DIAPH1: variants seen among roughly 807,000 people sequenced by gnomAD.
DIAPH1 encodes diaphanous related formin 1.
Under a neutral mutation model 140.7 loss-of-function variants are expected in DIAPH1, and 46 were observed. That is an observed-to-expected ratio of 0.33 (90% confidence interval 0.26 to 0.42). The LOEUF (loss-of-function observed/expected upper bound fraction) is 0.42. DIAPH1 is among the 10% of genes least tolerant of loss of function. The pLI is 1.00. For synonymous variants in DIAPH1, 565 were observed against 551.6 expected (o/e 1.02, Z -0.34); for missense variants, 1,310 against 1,558.7 (o/e 0.84, Z 2.69).
At chr5:141,611,593 C>G (rs1156297440) in intron 1 of DIAPH1, among the ~76,000 whole-genome samples, 1 of 151,832 alleles carries the variant, frequency 6.6e-6, no homozygotes, top group South Asian at 2.1e-4. Flanking sequence ...GAAAGTCAGA[C>G]AGACAAAAGA....
chr5:141,558,557 T>G (rs1241459244), intron 18 of DIAPH1: 1 of 152,172 alleles, frequency 6.6e-6, no homozygotes, highest in Non-Finnish European at 1.5e-5. Flanking sequence ...GTCAGTTGTA[T>G]CCGCACGGCT....
chr5:141,590,530 G>A (rs1017609377), intron 1 of DIAPH1, among the ~76,000 whole-genome samples: 3 of 152,244 alleles, frequency 2.0e-5, no homozygotes, highest in Middle Eastern at 3.4e-3. Flanking sequence ...GCACAAAAGG[G>A]ATGAGTGCAT....
intron 14 of DIAPH1, among the ~76,000 whole-genome samples, chr5:141,575,970 T>A (rs2099895912): frequency 1.3e-5 from 2 of 152,178 alleles, no homozygotes; most frequent in African/African-American, 4.8e-5. Flanking sequence ...CCATTACTAT[T>A]ACATGAGTAT....
chr5:141,525,742 T>C (rs990250736), intron 26 of DIAPH1, among the ~76,000 whole-genome samples: 1 of 151,968 alleles, frequency 6.6e-6, no homozygotes, highest in African/African-American at 2.4e-5. Context: ...AGAGGAACCT[T>C]TGGATGGACA....
intron 18 of DIAPH1, among the ~76,000 whole-genome samples, chr5:141,551,634 G>A (rs2099891701): frequency 6.6e-6 from 1 of 152,040 alleles, no homozygotes; most frequent in Admixed American, 6.6e-5. Flanking sequence ...CAGCTTTTCT[G>A]TATGTCTAAA....
intron 18 of DIAPH1, among the ~76,000 whole-genome samples, chr5:141,561,631 T>C (rs577680647): frequency 9.8e-5 from 15 of 152,318 alleles, no homozygotes; most frequent in Admixed American, 7.8e-4. Context: ...AGAGAAAGTA[T>C]GTAGTACCCT....
At chr5:141,524,562 A>G (rs2099887021) in intron 26 of DIAPH1, 2 of 391,226 alleles carry the variant, frequency 5.1e-6, no homozygotes, top group Admixed American at 3.7e-5. Context: ...AGTAGAGACT[A>G]CGATTGTGAA....
intron 18 of DIAPH1, among the ~76,000 whole-genome samples, chr5:141,542,426 C>G (rs2099890137): frequency 6.7e-6 from 1 of 148,882 alleles, no homozygotes; most frequent in Admixed American, 6.7e-5. Context: ...GAGTGGGACT[C>G]TGTCTTGGGA....
At chr5:141,586,855 A>G (rs1300682871) in intron 3 of DIAPH1, among the ~76,000 whole-genome samples, 187 bp downstream of exon 3, 3 of 152,212 alleles carry the variant, frequency 2.0e-5, no homozygotes, top group Non-Finnish European at 4.4e-5. Flanking sequence ...ACAGATTCCA[A>G]TTTTATGAAC....
chr5:141,613,309 T>C (rs2099902129), intron 1 of DIAPH1, among the ~76,000 whole-genome samples: 1 of 152,192 alleles, frequency 6.6e-6, no homozygotes, highest in African/African-American at 2.4e-5. Flanking sequence ...AGCCAAGCAA[T>C]AGAGAGCCAA....
chr5:141,582,664 T>C (rs971274533), intron 6 of DIAPH1, among the ~76,000 whole-genome samples: 5 of 152,220 alleles, frequency 3.3e-5, no homozygotes, highest in Admixed American at 2.6e-4. Context: ...CAGGATAACA[T>C]CCCATCTATT....
At chr5:141,583,075 C>A (rs1230243944) in intron 6 of DIAPH1, 131 bp downstream of exon 6, 7 of 821,796 alleles carry the variant, frequency 8.5e-6, no homozygotes, top group Non-Finnish European at 1.5e-5. Context: ...TATGATAAAC[C>A]CCTTCTTGGC....
At chr5:141,608,575 C>G (rs1482394497) in intron 1 of DIAPH1, among the ~76,000 whole-genome samples, 7 of 152,196 alleles carry the variant, frequency 4.6e-5, no homozygotes, top group Non-Finnish European at 1.0e-4. Flanking sequence ...CTTGGTCAGT[C>G]TTTGGATCTA....
In DIAPH1 at chr5:141,516,721, G is replaced by C; in HGVS notation, c.*130C>G. 3 of 991,098 alleles carry C rather than the reference G, an allele frequency of 3.0e-6. No individual in the cohort carries two copies. In the South Asian group the frequency reaches 4.1e-5, roughly 13 times the overall value. The allele number at this position is 991,098 out of a possible 1,614,324, so 61.4% of individuals were successfully genotyped here. On this transcript the variant is annotated 3_prime_UTR_variant, in exon 28 of 28. Transcript: ENST00000389054. ...GATGTTGAGAGAGCAGCAGGCCAGA[G>C]AGAAAGACAGGGTCAGGGTGGTGGG...
intron 1 of DIAPH1, among the ~76,000 whole-genome samples, chr5:141,604,790 T>C (rs1233928424): frequency 6.6e-6 from 1 of 152,180 alleles, no homozygotes; most frequent in Non-Finnish European, 1.5e-5. Flanking sequence ...ATTATACTAC[T>C]ACTCAATAAG....
chr5:141,521,539 A>ATAC (rs900176676), intron 27 of DIAPH1, among the ~76,000 whole-genome samples: 5 of 152,184 alleles, frequency 3.3e-5, no homozygotes, highest in African/African-American at 1.2e-4. Flanking sequence ...GAGTCTTTGT[A>ATAC]TACTGGTCAC....
At chr5:141,603,542 G>C (rs1480735361) in intron 1 of DIAPH1, among the ~76,000 whole-genome samples, 2 of 152,142 alleles carry the variant, frequency 1.3e-5, no homozygotes, top group Admixed American at 1.3e-4. Flanking sequence ...AAAGATTCTA[G>C]GCAGTGGCCA....
At chr5:141,530,221 T>C (rs561231949) in intron 19 of DIAPH1, among the ~76,000 whole-genome samples, 2 of 152,232 alleles carry the variant, frequency 1.3e-5, no homozygotes, top group East Asian at 3.9e-4. Context: ...TTTTCAACTC[T>C]CCCTTTCTAA....
intron 18 of DIAPH1, among the ~76,000 whole-genome samples, chr5:141,555,531 A>G (rs2099892430): frequency 6.6e-6 from 1 of 152,142 alleles, no homozygotes; most frequent in South Asian, 2.1e-4. Context: ...AACCTTATCA[A>G]TGCTTGGGTT....
Sources: allele counts gnomAD v4.1 joint callset (sites outside exome capture counted in the v4.1 genomes callset), GRCh38; gene constraint gnomAD v4.1.1; transcripts MANE v1.5; gene names NCBI Gene and HGNC (gene_info 2026-07-23, HGNC 2026-07-21).